Variants in BRCA2 observed in about 807,000 individuals in gnomAD.
BRCA2 encodes the protein breast cancer type 2 susceptibility protein.
Under a neutral mutation model 276.7 loss-of-function variants are expected in BRCA2, and 203 were observed. That is an observed-to-expected ratio of 0.73 (90% CI 0.65 to 0.82). The LOEUF (loss-of-function observed/expected upper bound fraction) is 0.82. Ranked by LOEUF, BRCA2 falls within the 40% of genes least tolerant of loss-of-function variation. BRCA2 has a pLI of 0.00. For synonymous variants in BRCA2, 1,289 were observed against 1,338.4 expected (o/e 0.96, Z 0.81); for missense variants, 3,920 against 3,915.0 (o/e 1.00, Z -0.03).
At chr13:32,371,329 A>C (rs1443750171) in intron 20 of BRCA2, among the ~76,000 whole-genome samples, 1 of 152,102 alleles carries the variant, frequency 6.6e-6, no homozygotes, top group Non-Finnish European at 1.5e-5. Context: ...ATTCTTACCT[A>C]TATGATGTGG....
chr13:32,332,340 C>T lies in BRCA2; in HGVS notation c.862C>T (p.Pro288Ser), dbSNP rs1464889530. 6.3e-7 allele frequency: 1 copy of T among 1,598,382 alleles called. No individual in the cohort carries two copies. The highest frequency in any genetic ancestry group is 8.5e-7 in the Non-Finnish European group (1 of 1,172,976). ...CAAAGACCACATTGGAAAGTCAATG[C>T]CAAATGTCCTAGAAGATGAAGTATA... ...SCKDHIGKSM[P>S]NVLEDEVYET... The change falls in exon 10 of 27, where the codon CCA (proline) becomes TCA (serine). Residue 288 changes from proline (P) to serine (S), a missense_variant. By Grantham distance (74) the Pro-to-Ser change is moderately conservative. Coordinates refer to ENST00000380152, the MANE Select transcript of BRCA2 (RefSeq NM_000059.4).
chr13:32,357,597 A>G (rs1226456489), intron 15 of BRCA2, 145 bp from the exon 16 acceptor site: 13 of 766,240 alleles, frequency 1.7e-5, no homozygotes, highest in Non-Finnish European at 2.5e-5. Flanking sequence ...CTAGTAAATA[A>G]CTTAAATGTT....
rs1213906135 is a variant in BRCA2 at position 32,379,722 on chromosome 13, T to G, written c.8954-28T>G. The G allele has an allele frequency of 4.4e-6, 7 of 1,597,886 alleles. No homozygotes were observed. Among genetic ancestry groups the G allele is most frequent in the Non-Finnish European group, 6.0e-6 (7 of 1,165,814 alleles). On this transcript the variant is annotated intron_variant, in intron 22 of 26. Transcript: ENST00000380152. ...TTTAAATGATAATCACTTCTTCCAT[T>G]GCATCTTTCTCATCTTTCTCCAAAC...
In BRCA2 at chr13:32,363,266, C is replaced by G. The variant is rs1057521686; in HGVS notation, c.8064C>G (p.Leu2688=). 1 of 1,613,982 alleles carries G rather than the reference C, an allele frequency of 6.2e-7. No homozygotes were observed. The highest frequency in any genetic ancestry group is 1.1e-5 in the South Asian group (1 of 91,086). Residue 2688 remains leucine (L), a synonymous_variant, in exon 18 of 27, where the codon CTC becomes CTG. Coordinates refer to ENST00000380152, the MANE Select transcript of BRCA2 (RefSeq NM_000059.4). ...RDDTAAKTLV[L]CVSDIISLSA... ...ACACAGCTGCAAAAACACTTGTTCTCTGTGTTTCTGACATAATTTCATTGA... is the reference window on the plus strand; with the variant it reads ...ACACAGCTGCAAAAACACTTGTTCTGTGTGTTTCTGACATAATTTCATTGA...
At chr13:32,341,332 A>G in intron 11 of BRCA2, 136 bp downstream of exon 11, 1 of 1,249,872 alleles carries the variant, frequency 8.0e-7, no homozygotes, top group East Asian at 2.4e-5. Flanking sequence ...AGTTTGGGGG[A>G]GTATGGTTTG....
Position 32,398,161 on chromosome 13 carries a change from G to T in BRCA2, c.9649-1G>T, listed in dbSNP as rs1555289898. 6.2e-7 allele frequency: 1 copy of T among 1,605,644 alleles called. No homozygotes were observed. Among genetic ancestry groups the T allele is most frequent in the Non-Finnish European group, 8.5e-7 (1 of 1,176,116 alleles). On this transcript the variant is annotated splice_acceptor_variant, in intron 26 of 26. Transcript: ENST00000380152. LOFTEE classifies it high-confidence loss of function. ...AGGCTACGTTTTCATTTTTTTATCA[G>T]ATGTCTTCTCCTAATTGTGAGATAT...
rs1060504600 is a variant in BRCA2 at position 32,316,484 on chromosome 13, G to A, written c.24G>A (p.Arg8=). The change falls in exon 2 of 27, where the codon AGG becomes AGA. Residue 8 remains arginine, a synonymous_variant. Coordinates refer to ENST00000380152, the MANE Select transcript of BRCA2 (RefSeq NM_000059.4). MPIGSKE[R]PTFFEIFKTR... ...AAATGCCTATTGGATCCAAAGAGAG[G>A]CCAACATTTTTTGAAATTTTTAAGA... is the stretch of plus-strand genomic sequence containing the variant. 6.2e-7 allele frequency: 1 copy of A among 1,613,836 alleles called. No individual in the cohort carries two copies. The highest frequency in any genetic ancestry group is 8.5e-7 in the Non-Finnish European group (1 of 1,179,898).
chr13:32,341,304 A>C, intron 11 of BRCA2, 108 bp downstream of exon 11: 1 of 1,525,796 alleles, frequency 6.6e-7, no homozygotes, highest in South Asian at 1.1e-5. Flanking sequence ...ATGTCTTTTC[A>C]GCCATTTTTG....
intron 20 of BRCA2, among the ~76,000 whole-genome samples, chr13:32,376,089 AT>A (rs2072869302): frequency 6.6e-6 from 1 of 152,238 alleles, no homozygotes; most frequent in South Asian, 2.1e-4. Flanking sequence ...TTTTAAAAAA[AT>A]GCAGTATCTA....
At chr13:32,377,105 TAAAAC>T (rs1381995633) in intron 21 of BRCA2, among the ~76,000 whole-genome samples, 1 of 152,202 alleles carries the variant, frequency 6.6e-6, no homozygotes, top group Non-Finnish European at 1.5e-5. Flanking sequence ...ATTTTTAAGA[TAAAAC>T]AAATATCTTC....
At chr13:32,381,100 T>C (rs2072921916) in intron 24 of BRCA2, among the ~76,000 whole-genome samples, 1 of 152,238 alleles carries the variant, frequency 6.6e-6, no homozygotes. Flanking sequence ...TATTTCATCT[T>C]GGTCATATTT....
At chr13:32,360,543 A>G (rs1339467538) in intron 16 of BRCA2, among the ~76,000 whole-genome samples, 2 of 152,172 alleles carry the variant, frequency 1.3e-5, no homozygotes, top group Admixed American at 6.5e-5. Flanking sequence ...TGTTTTTAGT[A>G]GAGACAGGGT....
At chr13:32,371,741 G>C (rs2072836351) in intron 20 of BRCA2, among the ~76,000 whole-genome samples, 1 of 151,978 alleles carries the variant, frequency 6.6e-6, no homozygotes, top group African/African-American at 2.4e-5. Flanking sequence ...AGATACTGTG[G>C]ATTTGATTCT....
chr13:32,388,829 G>A (rs1054866609), intron 24 of BRCA2, among the ~76,000 whole-genome samples: 12 of 152,014 alleles, frequency 7.9e-5, no homozygotes, highest in Admixed American at 2.0e-4. Context: ...ACAAATAGTC[G>A]GGTTATAAAT....
chr13:32,315,247 CA>C (rs2072241923), upstream of BRCA2: 1 of 152,520 alleles, frequency 6.6e-6, no homozygotes, highest in African/African-American at 2.4e-5. Context: ...TTGGAGTAGG[CA>C]TAGGGGCGGC....
At chr13:32,369,714 C>T (rs2072814326) in intron 18 of BRCA2, among the ~76,000 whole-genome samples, 1 of 152,102 alleles carries the variant, frequency 6.6e-6, no homozygotes, top group Non-Finnish European at 1.5e-5. Context: ...GCTGGGATTA[C>T]AGGCGCCCAC....
intron 3 of BRCA2, among the ~76,000 whole-genome samples, chr13:32,323,709 C>T (rs567802115): frequency 1.1e-4 from 16 of 152,214 alleles, no homozygotes; most frequent in African/African-American, 3.9e-4. Flanking sequence ...ATTGATAGAG[C>T]TTATTTTTCC....
Position 32,363,389 on chromosome 13 carries a change from G to T in BRCA2, c.8187G>T (p.Lys2729Asn), listed in dbSNP as rs80359065. Residue 2729 changes from lysine to asparagine, a missense_variant, in exon 18 of 27, where the codon AAG becomes AAT. This residue lies in a region of BRCA2 where 3,263 missense variants were observed against 3,156.9 expected (regional missense o/e 1.03). Transcript: ENST00000380152. The stretch of plus-strand genomic sequence containing the variant: ...TTACAGATGGGTGGTATGCTGTTAA[G>T]GCCCAGTTAGATCCTCCCCTCTTAG... ...IELTDGWYAV[K>N]AQLDPPLLAV... 4.4e-4 allele frequency: 715 copies of T among 1,614,138 alleles called. 6 individuals are homozygous for T. In the East Asian group the frequency reaches 0.012, roughly 28 times the overall value.
rs1416475985 is a variant in BRCA2, at chr13:32,341,224, T to G, written c.6841+28T>G. ...AAGTGTTCATTTTTACCTTTCGTGT[T>G]GCCAATCACTATTTTTAAAGTGTTT... On this transcript the variant is annotated intron_variant, in intron 11 of 26. Coordinates refer to ENST00000380152, the MANE Select transcript of BRCA2 (RefSeq NM_000059.4). The G allele has an allele frequency of 1.2e-6, 2 of 1,613,514 alleles. No homozygotes were observed. The highest frequency in any genetic ancestry group is 1.7e-5 in the Admixed American group (1 of 60,026).
Sources: gnomAD v4.1 joint callset for allele counts (sites outside exome capture counted in the v4.1 genomes callset) on GRCh38, gnomAD v4.1.1 for gene constraint, gnomAD v4.1.1 regional missense constraint, MANE v1.5 for transcripts, NCBI Gene and HGNC (gene_info 2026-07-23, HGNC 2026-07-21) for gene names.